SDHB: variants seen among roughly 807,000 people sequenced by gnomAD.
SDHB encodes succinate dehydrogenase [ubiquinone] iron-sulfur subunit, mitochondrial.
SDHB carries 21 observed loss-of-function variants against 39.7 expected under a neutral mutation model. The observed-to-expected ratio is 0.53, with a 90% CI of 0.37 to 0.76. The LOEUF (loss-of-function observed/expected upper bound fraction) is 0.76, where lower values mean the gene tolerates loss of function less well. Ranked by LOEUF, SDHB falls within the 30% of genes least tolerant of loss-of-function variation. The pLI, the probability that SDHB is intolerant of heterozygous loss-of-function variation, is 0.00. For missense variants in SDHB, 343 were observed against 350.9 expected (o/e 0.98, Z 0.18); for synonymous variants, 118 against 117.0 (o/e 1.01, Z -0.06).
intron 1 of SDHB, among the ~76,000 whole-genome samples, chr1:17,047,501 AC>A (rs1489902234): frequency 6.6e-6 from 1 of 151,496 alleles, no homozygotes; most frequent in Non-Finnish European, 1.5e-5. Flanking sequence ...ACATGGTGAA[AC>A]CCCGTCCCTA....
chr1:17,046,325 T>G (rs527451766), intron 1 of SDHB, among the ~76,000 whole-genome samples: 1 of 151,756 alleles, frequency 6.6e-6, no homozygotes, highest in East Asian at 1.9e-4. Flanking sequence ...AGGTATCAAC[T>G]CCAGTGGACT....
At chr1:17,039,104 C>T (rs1262301169) in intron 2 of SDHB, among the ~76,000 whole-genome samples, 1 of 152,076 alleles carries the variant, frequency 6.6e-6, no homozygotes, top group African/African-American at 2.4e-5. Flanking sequence ...ATAGTTTTTA[C>T]ATTCAATACA....
At chr1:17,020,977 C>T (rs923957762) in intron 7 of SDHB, among the ~76,000 whole-genome samples, 1 of 152,214 alleles carries the variant, frequency 6.6e-6, no homozygotes, top group African/African-American at 2.4e-5. Context: ...GGCCACCCTA[C>T]AGTTTTCCAC....
chr1:17,048,719 ATTTAT>A (rs1323374404), intron 1 of SDHB, among the ~76,000 whole-genome samples: 9 of 151,724 alleles, frequency 5.9e-5, no homozygotes, highest in Non-Finnish European at 2.9e-5. Flanking sequence ...TTATTTATTT[ATTTAT>A]TTTGAGATGG....
At position 17,042,427 on chromosome 1, in the gene SDHB, G is replaced by C. The variant is rs12062603; in HGVS notation, c.200+2334C>G. On this transcript the variant is annotated intron_variant, in intron 2 of 7. Transcript: ENST00000375499. ...TTGTAGGAGGGTTAGTCTGATGAGA[G>C]CTACTGTGACAAAACTGGAAGTAAA... Among the ~76,000 whole-genome samples, 337 of 152,190 alleles carry C rather than the reference G, an allele frequency of 2.2e-3. 2 individuals are homozygous for C. The highest frequency in any genetic ancestry group is 7.7e-3 in the African/African-American group (321 of 41,522).
chr1:17,046,330 T>G (rs901488206), intron 1 of SDHB, among the ~76,000 whole-genome samples: 2 of 150,864 alleles, frequency 1.3e-5, no homozygotes, highest in African/African-American at 4.8e-5. Flanking sequence ...TCAACTCCAG[T>G]GGACTTTGCT....
chr1:17,024,416 A>G (rs551477877), intron 5 of SDHB, among the ~76,000 whole-genome samples: 26 of 152,330 alleles, frequency 1.7e-4, no homozygotes, highest in African/African-American at 5.8e-4. Context: ...TCAAGACGGG[A>G]GAGATTCAAA....
intron 6 of SDHB, chr1:17,023,286 CAACTCGGAGCAGCTGGCAAAAGT>C: frequency 5.1e-6 from 1 of 194,770 alleles, no homozygotes; most frequent in East Asian, 1.2e-4. Flanking sequence ...TCTACATCCC[CAACTCGGAGCAGCTGGCAAAAGT>C]GACAAGTATG....
rs772853861 is a variant in SDHB at position 17,053,954 on chromosome 1, G to A, written c.66C>T (p.Cys22=). 6.2e-6 allele frequency: 10 copies of A among 1,612,224 alleles called. No individual in the cohort carries two copies. In the Admixed American group the frequency reaches 1.5e-4, roughly 24 times the overall value. ...RLPATTLGGA[C]LQASRGAQTA... Reference sequence around the variant, plus strand: ...CTGAGGCTCCAGGACTCACCTGCAGGCAGGCTCCGCCAAGGGTTGTGGCCG... The same window carrying A: ...CTGAGGCTCCAGGACTCACCTGCAGACAGGCTCCGCCAAGGGTTGTGGCCG... Residue 22 remains cysteine (C), a synonymous_variant, in exon 1 of 8, where the codon TGC becomes TGT. Transcript: ENST00000375499.
chr1:17,042,222 T>C (rs2078084265), intron 2 of SDHB, among the ~76,000 whole-genome samples: 1 of 152,346 alleles, frequency 6.6e-6, no homozygotes, highest in Middle Eastern at 3.4e-3. Context: ...GTCCCGTTAC[T>C]TCCCATACCA....
chr1:17,028,446 T>C (rs1337145051), intron 4 of SDHB, among the ~76,000 whole-genome samples, 154 bp downstream of exon 4: 1 of 152,212 alleles, frequency 6.6e-6, no homozygotes, highest in Non-Finnish European at 1.5e-5. Flanking sequence ...CCTCCTGCCA[T>C]AATATAGGAA....
intron 5 of SDHB, among the ~76,000 whole-genome samples, chr1:17,026,263 G>GC (rs2077990431): frequency 2.0e-5 from 3 of 152,220 alleles, no homozygotes; most frequent in Admixed American, 1.3e-4. Context: ...GAGCAGCTCT[G>GC]AAGTCTCATC....
chr1:17,028,867 G>A (rs1431493284), intron 3 of SDHB, 131 bp from the exon 4 acceptor site: 2 of 1,120,912 alleles, frequency 1.8e-6, no homozygotes, highest in Non-Finnish European at 2.7e-6. Context: ...TCTGACAGAG[G>A]TGCCTGTTGG....
chr1:17,026,571 G>C (rs2077992943), intron 5 of SDHB, among the ~76,000 whole-genome samples: 1 of 151,814 alleles, frequency 6.6e-6, no homozygotes. Context: ...TATCACGTTG[G>C]CCAGGCTGGT....
rs1131691046 is a variant in SDHB at position 17,022,654 on chromosome 1, A to G, written c.719T>C (p.Leu240Pro). Residue 240 changes from leucine to proline, a missense_variant, in exon 7 of 8, where the codon CTA (leucine) becomes CCA (proline). Physicochemically the swap from Leu to Pro is moderately conservative, Grantham distance 98. Transcript: ENST00000375499. ...GTTCATGATGGTGTGGCAGCGGTATAGAGAGAATGGGTCCTGCAGCTTGGC... is the reference window on the plus strand; with the variant it reads ...GTTCATGATGGTGTGGCAGCGGTATGGAGAGAATGGGTCCTGCAGCTTGGC... ...RLAKLQDPFS[L>P]YRCHTIMNCT... The G allele has an allele frequency of 1.2e-6, 2 of 1,613,970 alleles. No homozygotes were observed. The highest frequency in any genetic ancestry group is 2.2e-5 in the East Asian group (1 of 44,886).
chr1:17,025,646 A>C (rs1397736862), intron 5 of SDHB, among the ~76,000 whole-genome samples: 1 of 152,212 alleles, frequency 6.6e-6, no homozygotes, highest in Non-Finnish European at 1.5e-5. Flanking sequence ...TTATTTAAAA[A>C]ATGATGGAGC....
Position 17,039,431 on chromosome 1 carries a change from A to AT in SDHB, c.200+5329_200+5330insA, listed in dbSNP as rs1557744805. On this transcript the variant is annotated intron_variant, in intron 2 of 7. Coordinates refer to ENST00000375499, the MANE Select transcript of SDHB (RefSeq NM_003000.3). ...CTGTCTCTACAAAAAAAAAAAAAAA[A>AT]AAAAAATTGGCCAGGCATAGTGGTA... 6.8e-4 allele frequency among the ~76,000 whole-genome samples: 102 copies of AT among 150,510 alleles called. 1 individual carries two copies. Among genetic ancestry groups the AT allele is most frequent in the African/African-American group, 2.3e-3 (93 of 40,760 alleles).
Position 17,053,932 on chromosome 1 carries a change from A to C in SDHB, c.72+16T>G, listed in dbSNP as rs1434732483. ...GGCTTTCCTGACTTTTCCCTCTCTG[A>C]GGCTCCAGGACTCACCTGCAGGCAG... On this transcript the variant is annotated intron_variant, in intron 1 of 7. Transcript: ENST00000375499. The C allele has an allele frequency of 6.2e-7, 1 of 1,606,782 alleles. No individual in the cohort carries two copies. Among genetic ancestry groups the C allele is most frequent in the Non-Finnish European group, 8.5e-7 (1 of 1,174,562 alleles).
chr1:17,027,222 A>G (rs1190004051), intron 5 of SDHB, among the ~76,000 whole-genome samples: 2 of 152,214 alleles, frequency 1.3e-5, no homozygotes, highest in African/African-American at 4.8e-5. Context: ...TTAAGATTTT[A>G]CAGCTTGTAC....
Sources: gnomAD v4.1 joint callset for allele counts (sites outside exome capture counted in the v4.1 genomes callset) on GRCh38, gnomAD v4.1.1 for gene constraint, MANE v1.5 for transcripts, NCBI Gene and HGNC (gene_info 2026-07-23, HGNC 2026-07-21) for gene names.